ARFIP1: variants seen among roughly 807,000 people sequenced by gnomAD.
ARFIP1 encodes the protein arfaptin-1.
Under a neutral mutation model 42.5 loss-of-function variants are expected in ARFIP1, and 24 were observed. The ratio of observed to expected loss-of-function variants is 0.57; its 90% CI spans 0.41 to 0.80. The LOEUF is 0.80. Ranked by LOEUF, ARFIP1 falls within the 30% of genes least tolerant of loss-of-function variation. The probability of loss-of-function intolerance (pLI) is 0.00; values close to 1 mark genes in which losing one functional copy is unlikely to be tolerated. For synonymous variants in ARFIP1, 141 were observed against 153.7 expected (o/e 0.92, Z 0.61); for missense variants, 354 against 434.0 (o/e 0.82, Z 1.64).
rs115749498 is a variant in ARFIP1 at position 152,822,836 on chromosome 4, G to C, written c.-9-6789G>C. Among the ~76,000 whole-genome samples the C allele has an allele frequency of 8.1e-3, 1,230 of 152,178 alleles. 15 individuals carry two copies. Among genetic ancestry groups the C allele is most frequent in the African/African-American group, 0.027 (1,141 of 41,516 alleles). ...TCTGGGTTAACAGTGAAATGAAGATGGAAATTTAAAAAATTTTTGCAGTGA... is the reference window on the plus strand; with the variant it reads ...TCTGGGTTAACAGTGAAATGAAGATCGAAATTTAAAAAATTTTTGCAGTGA... On this transcript the variant is annotated intron_variant, in intron 1 of 8. Transcript: ENST00000353617.
intron 8 of ARFIP1, among the ~76,000 whole-genome samples, chr4:152,904,180 G>GTATA (rs1190234270): frequency 1.5e-5 from 2 of 130,578 alleles, no homozygotes; most frequent in Non-Finnish European, 3.2e-5. Flanking sequence ...GTGTGTGTGT[G>GTATA]TATATATATA....
At chr4:152,797,364 T>G (rs908196297) in intron 1 of ARFIP1, among the ~76,000 whole-genome samples, 3 of 152,140 alleles carry the variant, frequency 2.0e-5, no homozygotes, top group Non-Finnish European at 4.4e-5. Context: ...ATTATAGATG[T>G]TTTTTGGTGT....
At chr4:152,788,075 A>G (rs970263992) in intron 1 of ARFIP1, among the ~76,000 whole-genome samples, 7 of 152,082 alleles carry the variant, frequency 4.6e-5, no homozygotes, top group African/African-American at 1.2e-4. Context: ...AAAAATATAC[A>G]TATACAGATT....
At chr4:152,907,624 A>G (rs929820861) in intron 8 of ARFIP1, among the ~76,000 whole-genome samples, 8 of 152,180 alleles carry the variant, frequency 5.3e-5, no homozygotes, top group Non-Finnish European at 7.3e-5. Flanking sequence ...TTTGAACTCT[A>G]TGTAAGTGGA....
intron 5 of ARFIP1, among the ~76,000 whole-genome samples, chr4:152,873,141 AC>A (rs1475151003): frequency 6.6e-6 from 1 of 152,164 alleles, no homozygotes; most frequent in Non-Finnish European, 1.5e-5. Context: ...AAACAGCTCA[AC>A]CCCCAAATCC....
intron 7 of ARFIP1, 46 bp downstream of exon 7, chr4:152,882,926 A>G: frequency 6.5e-7 from 1 of 1,547,406 alleles, no homozygotes; most frequent in Non-Finnish European, 8.7e-7. Context: ...CAGATGGCAT[A>G]TAATTCAGTT....
chr4:152,866,242 A>G (rs1249011450), intron 3 of ARFIP1, among the ~76,000 whole-genome samples: 1 of 152,252 alleles, frequency 6.6e-6, no homozygotes, highest in Non-Finnish European at 1.5e-5. Flanking sequence ...AGTACAGAAA[A>G]AATGAAATGT....
At chr4:152,905,769 T>G (rs944752038) in intron 8 of ARFIP1, among the ~76,000 whole-genome samples, 2 of 151,890 alleles carry the variant, frequency 1.3e-5, no homozygotes, top group African/African-American at 4.8e-5. Flanking sequence ...GCCAGGCTGG[T>G]CTTCAACTCC....
intron 3 of ARFIP1, among the ~76,000 whole-genome samples, chr4:152,869,123 G>A (rs1226068298): frequency 1.3e-5 from 2 of 151,986 alleles, no homozygotes; most frequent in Admixed American, 6.6e-5. Context: ...TTCAAGTTAA[G>A]GTATATTTTA....
At chr4:152,872,304 C>T (rs1734954230) in intron 4 of ARFIP1, 148 bp from the exon 5 acceptor site, 3 of 586,184 alleles carry the variant, frequency 5.1e-6, no homozygotes, top group Non-Finnish European at 8.9e-6. Flanking sequence ...CTCAGCGATT[C>T]CAGGAAGTTC....
chr4:152,826,142 A>G (rs912301213), intron 1 of ARFIP1, among the ~76,000 whole-genome samples: 2 of 152,206 alleles, frequency 1.3e-5, no homozygotes, highest in Non-Finnish European at 2.9e-5. Context: ...ACCCAAAGGA[A>G]AAAAAGTCAC....
At chr4:152,852,996 TTTTG>T (rs1315094576) in intron 2 of ARFIP1, among the ~76,000 whole-genome samples, 1 of 152,196 alleles carries the variant, frequency 6.6e-6, no homozygotes, top group Non-Finnish European at 1.5e-5. Context: ...CTGGAAGAAC[TTTTG>T]TTTGTTTAGT....
intron 5 of ARFIP1, among the ~76,000 whole-genome samples, chr4:152,878,654 C>G (rs1353927897): frequency 6.6e-6 from 1 of 152,216 alleles, no homozygotes; most frequent in Non-Finnish European, 1.5e-5. Flanking sequence ...TCATCTTACT[C>G]TTCCCACTGC....
At chr4:152,853,227 CT>C (rs1370178202) in intron 2 of ARFIP1, among the ~76,000 whole-genome samples, 1 of 152,042 alleles carries the variant, frequency 6.6e-6, no homozygotes. Context: ...CCGTTTGAGT[CT>C]TTTCTCTTTG....
At chr4:152,782,187 G>T (rs553152379) in intron 1 of ARFIP1, among the ~76,000 whole-genome samples, 2 of 151,706 alleles carry the variant, frequency 1.3e-5, no homozygotes, top group South Asian at 2.1e-4. Flanking sequence ...CCACCACTTA[G>T]GCAGTGTCTT....
In ARFIP1 at chr4:152,881,047, A is replaced by C; in HGVS notation, c.496A>C (p.Arg166=). ...ACTTGAAGCTCAGATTGATATATTA[A>C]GGGATAACAAGAAAAAATATGAAAA... The part of the protein sequence containing the change: ...LELEAQIDIL[R]DNKKKYENIL... The change falls in exon 6 of 9, where the codon AGG becomes CGG. Residue 166 remains arginine (R), a synonymous_variant. Coordinates refer to ENST00000353617, the MANE Select transcript of ARFIP1 (RefSeq NM_001025595.3). The C allele has an allele frequency of 6.2e-7, 1 of 1,613,848 alleles. No individual in the cohort carries two copies. The highest frequency in any genetic ancestry group is 8.5e-7 in the Non-Finnish European group (1 of 1,179,778).
rs1221928462 is a variant in ARFIP1, at chr4:152,912,129, A to G, written c.*1910A>G. ...TAACAGTTACTGTAGCTAAGGAGCT[A>G]AATAGTTTCATGGATTAATTTTTTT... On this transcript the variant is annotated 3_prime_UTR_variant, in exon 9 of 9. Transcript: ENST00000353617. The G allele has an allele frequency of 6.6e-6, 1 of 152,200 alleles. No individual in the cohort carries two copies. Among genetic ancestry groups the G allele is most frequent in the East Asian group, 1.9e-4 (1 of 5,204 alleles). The allele number at this position is 152,200 out of a possible 1,614,324, so 9.4% of individuals were successfully genotyped here.
intron 8 of ARFIP1, among the ~76,000 whole-genome samples, chr4:152,909,706 CA>C (rs1738678732): frequency 5.3e-5 from 8 of 152,162 alleles, no homozygotes; most frequent in Admixed American, 5.2e-4. Context: ...CATTGTGTAG[CA>C]ATTATATATA....
At chr4:152,814,269 T>G (rs1321819483) in intron 1 of ARFIP1, among the ~76,000 whole-genome samples, 1 of 152,096 alleles carries the variant, frequency 6.6e-6, no homozygotes, top group East Asian at 1.9e-4. Flanking sequence ...GTTTTTTGTA[T>G]TTTTTGTAGA....
Sources: allele counts gnomAD v4.1 joint callset (sites outside exome capture counted in the v4.1 genomes callset), GRCh38; gene constraint gnomAD v4.1.1; transcripts MANE v1.5; gene names NCBI Gene and HGNC (gene_info 2026-07-23, HGNC 2026-07-21).